The following ARHGAP17 variants were observed in gnomAD, a reference collection of about 807,000 sequenced individuals.
ARHGAP17 encodes rho GTPase-activating protein 17.
ARHGAP17 carries 57 observed loss-of-function variants against 99.5 expected under a neutral mutation model. That is an observed-to-expected ratio of 0.57 (90% CI 0.46 to 0.71). ARHGAP17 has a LOEUF of 0.71. Among genes scored for constraint, ARHGAP17 ranks in the 30% least tolerant of loss-of-function variants. The pLI is 0.00. For missense variants in ARHGAP17, 1,000 were observed against 1,122.4 expected, an observed-to-expected ratio of 0.89 and a Z score of 1.56; for synonymous variants, 417 against 429.6, an observed-to-expected ratio of 0.97 and a Z score of 0.36.
intron 14 of ARHGAP17, among the ~76,000 whole-genome samples, chr16:24,944,186 G>T (rs62032846): frequency 2.6e-5 from 4 of 151,144 alleles, no homozygotes; most frequent in African/African-American, 9.8e-5. Flanking sequence ...CAGGAGAATC[G>T]CTTGAACCCG....
intron 10 of ARHGAP17, among the ~76,000 whole-genome samples, chr16:24,954,114 T>G (rs1257885256): frequency 1.3e-5 from 2 of 152,216 alleles, no homozygotes; most frequent in Non-Finnish European, 2.9e-5. Flanking sequence ...GACTTCCTTA[T>G]TTATACAAGA....
rs1453432512 is a variant in ARHGAP17 at position 24,929,619 on chromosome 16, C to T, written c.2515+1165G>A. On this transcript the variant is annotated intron_variant, in intron 19 of 19. Transcript: ENST00000289968. ...GCTCGGGGCCATTACAGACCTTAGT[C>T]CTGGAAACCTTCCCCACCTGTGAGG... 11 of 987,750 alleles carry T rather than the reference C, an allele frequency of 1.1e-5. No homozygotes were observed. The East Asian group carries it at 1.2e-3, about 112-fold the overall frequency. 61.2% of individuals were successfully genotyped at this position (987,750 alleles called of 1,614,324 possible).
chr16:24,956,214 G>C (rs1369752511), intron 9 of ARHGAP17: 2 of 152,270 alleles, frequency 1.3e-5, no homozygotes, highest in East Asian at 3.8e-4. Flanking sequence ...GTAATGCTAA[G>C]GGGCGGGCAT....
chr16:24,986,665 G>C (rs1430964495), intron 1 of ARHGAP17, among the ~76,000 whole-genome samples: 1 of 152,208 alleles, frequency 6.6e-6, no homozygotes, highest in Non-Finnish European at 1.5e-5. Flanking sequence ...GACCTGCAGA[G>C]CTCAAAATAT....
At chr16:25,010,627 A>G (rs1005896137) in intron 1 of ARHGAP17, among the ~76,000 whole-genome samples, 3 of 152,270 alleles carry the variant, frequency 2.0e-5, no homozygotes, top group Non-Finnish European at 2.9e-5. Context: ...GAGTCCTTCT[A>G]GACAAGCAGT....
At chr16:24,964,763 A>G (rs1308762863) in intron 6 of ARHGAP17, among the ~76,000 whole-genome samples, 2 of 152,098 alleles carry the variant, frequency 1.3e-5, no homozygotes, top group African/African-American at 4.8e-5. Context: ...CTACCATACT[A>G]CCATCTGTGA....
chr16:24,935,475 C>A lies in ARHGAP17; in HGVS notation c.1889G>T (p.Arg630Leu), dbSNP rs577832914. 1.9e-6 allele frequency: 3 copies of A among 1,594,584 alleles called. No homozygotes were observed. The highest frequency in any genetic ancestry group is 1.1e-5 in the South Asian group (1 of 88,748). Residue 630 changes from arginine (R) to leucine (L), a missense_variant, in exon 18 of 20, where the codon CGC becomes CTC. By Grantham distance (102) the Arg-to-Leu change is moderately radical. Coordinates refer to ENST00000289968, the MANE Select transcript of ARHGAP17 (RefSeq NM_001006634.3). The part of the protein sequence containing the change: ...NAAGPSPHTL[R>L]RAVKKPAPAP... ...GGAGGACGGTGGCTGCTTACCTCGGCGCAGTGTATGCGGGCTGGGCCCTGC... is the reference window on the plus strand; with the variant it reads ...GGAGGACGGTGGCTGCTTACCTCGGAGCAGTGTATGCGGGCTGGGCCCTGC...
intron 1 of ARHGAP17, among the ~76,000 whole-genome samples, chr16:25,006,481 A>C (rs1270733296): frequency 6.6e-6 from 1 of 151,914 alleles, no homozygotes; most frequent in East Asian, 1.9e-4. Context: ...AAGATAATCA[A>C]AGAGGCAGAA....
chr16:24,939,811 G>A lies in ARHGAP17; in HGVS notation c.1491-214C>T, dbSNP rs117297614. On this transcript the variant is annotated intron_variant, in intron 16 of 19. Coordinates refer to ENST00000289968, the MANE Select transcript of ARHGAP17 (RefSeq NM_001006634.3). Reference sequence around the variant, plus strand: ...GCCAATGAACCTGGTACTGTTCAATGTCTTTGATCAATTTGGGTGTGAGCA... The same window carrying A: ...GCCAATGAACCTGGTACTGTTCAATATCTTTGATCAATTTGGGTGTGAGCA... 6.1e-3 allele frequency: 3,631 copies of A among 594,148 alleles called. 122 individuals carry two copies. In the Admixed American group the frequency reaches 0.073, roughly 12 times the overall value. 36.8% of individuals were successfully genotyped at this position (594,148 alleles called of 1,614,324 possible). A position where few individuals can be genotyped will look rare whatever the true frequency, so the allele number is the denominator to read the frequency against.
At chr16:24,940,169 C>T (rs1193139732) in intron 16 of ARHGAP17, among the ~76,000 whole-genome samples, 2 of 152,166 alleles carry the variant, frequency 1.3e-5, no homozygotes, top group East Asian at 3.8e-4. Flanking sequence ...AGTATTCCTC[C>T]TGCCTTGGTC....
chr16:24,964,776 T>C (rs1427088143), intron 6 of ARHGAP17, among the ~76,000 whole-genome samples: 1 of 152,162 alleles, frequency 6.6e-6, no homozygotes, highest in Non-Finnish European at 1.5e-5. Flanking sequence ...ATCTGTGACC[T>C]GGGATTACTT....
chr16:24,959,982 G>C lies in ARHGAP17; in HGVS notation c.574-3C>G, dbSNP rs367754008. On this transcript the variant is annotated splice_region_variant and splice_polypyrimidine_tract_variant and intron_variant, in intron 7 of 19. Transcript: ENST00000289968. ...TACATGTCTGCTGCAAGTTGATCCT[G>C]GGTAAATGGAAGATAAGAGGTTATT... The C allele has an allele frequency of 3.7e-5, 60 of 1,613,736 alleles. No homozygotes were observed. The highest frequency in any genetic ancestry group is 4.8e-5 in the Non-Finnish European group (57 of 1,179,946).
intron 7 of ARHGAP17, 144 bp downstream of exon 7, chr16:24,964,053 G>A: frequency 1.9e-6 from 1 of 534,222 alleles, no homozygotes; most frequent in African/African-American, 1.9e-5. Context: ...TATAGTCTTA[G>A]AGAAGAAGAA....
chr16:24,946,245 C>T (rs2051469046), intron 14 of ARHGAP17, among the ~76,000 whole-genome samples: 1 of 151,956 alleles, frequency 6.6e-6, no homozygotes, highest in African/African-American at 2.4e-5. Flanking sequence ...TCCCAGACAC[C>T]TCAGTACAAT....
chr16:25,001,050 A>C (rs898877730), intron 1 of ARHGAP17, among the ~76,000 whole-genome samples: 1 of 152,244 alleles, frequency 6.6e-6, no homozygotes, highest in African/African-American at 2.4e-5. Context: ...TAAAGGTAGA[A>C]TCATATGCCC....
At chr16:25,009,158 G>C (rs2053579784) in intron 1 of ARHGAP17, among the ~76,000 whole-genome samples, 1 of 152,172 alleles carries the variant, frequency 6.6e-6, no homozygotes, top group Non-Finnish European at 1.5e-5. Context: ...CTGAGGTCAG[G>C]GGTTCAAGAC....
At chr16:24,970,408 C>T (rs1455500528) in intron 4 of ARHGAP17, 99 bp downstream of exon 4, 27 of 1,144,282 alleles carry the variant, frequency 2.4e-5, no homozygotes, top group Admixed American at 7.2e-5. Flanking sequence ...ATGCCATCAA[C>T]GCTCACAGTT....
intron 1 of ARHGAP17, among the ~76,000 whole-genome samples, chr16:25,002,489 A>G (rs2053388777): frequency 1.3e-5 from 2 of 151,886 alleles, no homozygotes; most frequent in South Asian, 4.2e-4. Context: ...AACTTTCTCA[A>G]CCTTTTGCCG....
chr16:24,991,373 A>G (rs1177736914), intron 1 of ARHGAP17, among the ~76,000 whole-genome samples: 1 of 152,140 alleles, frequency 6.6e-6, no homozygotes, highest in Non-Finnish European at 1.5e-5. Flanking sequence ...AATAATAACA[A>G]CCTTCAGATA....
Sources: allele counts gnomAD v4.1 joint callset (sites outside exome capture counted in the v4.1 genomes callset), GRCh38; gene constraint gnomAD v4.1.1; transcripts MANE v1.5; gene names NCBI Gene and HGNC (gene_info 2026-07-23, HGNC 2026-07-21).